Variants in CACNA2D3 observed in about 807,000 individuals in gnomAD.
The protein encoded by CACNA2D3 is voltage-dependent calcium channel subunit alpha-2/delta-3.
In CACNA2D3, 60 loss-of-function variants were observed where a neutral mutation model predicts 160.6. That is an observed-to-expected ratio of 0.37 (90% CI 0.30 to 0.46). The LOEUF (loss-of-function observed/expected upper bound fraction) is 0.46, where lower values mean the gene tolerates loss of function less well. Among genes scored for constraint, CACNA2D3 ranks in the 20% least tolerant of loss-of-function variants. The pLI, the probability that CACNA2D3 is intolerant of heterozygous loss-of-function variation, is 1.00. For synonymous variants in CACNA2D3, 558 were observed against 492.9 expected (o/e 1.13, Z -1.75); for missense variants, 1,205 against 1,365.0 (o/e 0.88, Z 1.85).
At chr3:54,451,122 A>G (rs1700298957) in intron 4 of CACNA2D3, among the ~76,000 whole-genome samples, 1 of 151,480 alleles carries the variant, frequency 6.6e-6, no homozygotes, top group African/African-American at 2.4e-5. Context: ...TGGCAACCTC[A>G]ACCTCTTGGC....
At chr3:55,052,678 A>G (rs1704256389) in intron 35 of CACNA2D3, among the ~76,000 whole-genome samples, 1 of 152,148 alleles carries the variant, frequency 6.6e-6, no homozygotes, top group Non-Finnish European at 1.5e-5. Flanking sequence ...CATTAGATAC[A>G]TGCATATTTA....
At chr3:54,600,675 CTA>C (rs1249536853) in intron 9 of CACNA2D3, among the ~76,000 whole-genome samples, 1 of 152,180 alleles carries the variant, frequency 6.6e-6, no homozygotes, top group Non-Finnish European at 1.5e-5. Flanking sequence ...AGGGAACTGA[CTA>C]TTTTTAAATA....
intron 27 of CACNA2D3, among the ~76,000 whole-genome samples, chr3:54,966,662 T>C (rs148375342): frequency 1.3e-5 from 2 of 151,846 alleles, no homozygotes; most frequent in East Asian, 1.9e-4. Flanking sequence ...CTACAGAAAA[T>C]ACAAAAATTA....
chr3:54,211,046 C>T lies in CACNA2D3; in HGVS notation c.204+87452C>T, dbSNP rs13095436. Among the ~76,000 whole-genome samples, 558 of 152,116 alleles carry T rather than the reference C, an allele frequency of 3.7e-3. 1 individual carries two copies. The highest frequency in any genetic ancestry group is 6.5e-3 in the Non-Finnish European group (445 of 67,992). On this transcript the variant is annotated intron_variant, in intron 2 of 37. Coordinates refer to ENST00000474759, the MANE Select transcript of CACNA2D3 (RefSeq NM_018398.3). ...GAAAAGGAACACAGAAAGCTCATCT[C>T]TCACCTCTTTTCCCTTTGTCCAATA...
intron 2 of CACNA2D3, among the ~76,000 whole-genome samples, chr3:54,129,016 C>T (rs1022205247): frequency 6.6e-6 from 1 of 152,158 alleles, no homozygotes; most frequent in Non-Finnish European, 1.5e-5. Flanking sequence ...TCCTTATCAG[C>T]CCTCTTTGGT....
chr3:54,769,583 A>G (rs1200236037), intron 13 of CACNA2D3, among the ~76,000 whole-genome samples: 1 of 152,162 alleles, frequency 6.6e-6, no homozygotes, highest in Non-Finnish European at 1.5e-5. Context: ...ACATGAGAAT[A>G]CGACCTGCCT....
At chr3:54,457,715 G>A (rs1700424581) in intron 4 of CACNA2D3, among the ~76,000 whole-genome samples, 1 of 151,854 alleles carries the variant, frequency 6.6e-6, no homozygotes, top group South Asian at 2.1e-4. Context: ...AATAATATTT[G>A]CTTTACATGT....
intron 2 of CACNA2D3, among the ~76,000 whole-genome samples, chr3:54,143,955 T>C (rs1699981088): frequency 6.6e-6 from 1 of 152,240 alleles, no homozygotes; most frequent in Admixed American, 6.5e-5. Context: ...CAGGCAGTAC[T>C]GTAGGGACCA....
At chr3:54,678,720 C>CAAAAAAAAAAA (rs71096434) in intron 11 of CACNA2D3, among the ~76,000 whole-genome samples, 512 of 45,918 alleles carry the variant, frequency 0.011, 128 homozygotes, top group Non-Finnish European at 0.015. Context: ...GACTCGGTCT[C>CAAAAAAAAAAA]AAAAAAAAAA....
chr3:54,472,232 G>T (rs1259325807), intron 4 of CACNA2D3, among the ~76,000 whole-genome samples: 3 of 152,162 alleles, frequency 2.0e-5, no homozygotes, highest in Non-Finnish European at 4.4e-5. Context: ...GGGATGCAAG[G>T]CTGGTTCAAC....
chr3:55,020,370 TTG>T (rs1399446796), intron 35 of CACNA2D3, among the ~76,000 whole-genome samples: 1 of 149,216 alleles, frequency 6.7e-6, no homozygotes, highest in Non-Finnish European at 1.5e-5. Flanking sequence ...AATGTATATT[TTG>T]TGATTCTATT....
chr3:54,733,668 A>C (rs562484694), intron 11 of CACNA2D3, among the ~76,000 whole-genome samples: 1 of 152,304 alleles, frequency 6.6e-6, no homozygotes, highest in East Asian at 1.9e-4. Context: ...GTCCATCTTG[A>C]TTTAACTTAG....
chr3:54,579,402 G>A lies in CACNA2D3; in HGVS notation c.889-2401G>A, dbSNP rs1257030111. Among the ~76,000 whole-genome samples the A allele has an allele frequency of 5.9e-5, 9 of 152,104 alleles. No individual in the cohort carries two copies. In the East Asian group the frequency reaches 1.7e-3, roughly 29 times the overall value. ...CTTGTAACCTCATAGTTGCAAAATG[G>A]CTGCAGCAACTCCACAATAGCATCC... On this transcript the variant is annotated intron_variant, in intron 8 of 37. Coordinates refer to ENST00000474759, the MANE Select transcript of CACNA2D3 (RefSeq NM_018398.3).
At position 54,386,624 on chromosome 3, in the gene CACNA2D3, T is replaced by A; in HGVS notation, c.322-91T>A. On this transcript the variant is annotated intron_variant, in intron 3 of 37. Transcript: ENST00000474759. ...AGATCACAATGTATGAACCACGATA[T>A]AATATGTCACTTTTGGTCAATGGAG... 3 of 1,186,782 alleles carry A rather than the reference T, an allele frequency of 2.5e-6. No homozygotes were observed. The South Asian group carries it at 4.3e-5, about 17-fold the overall frequency. The allele number at this position is 1,186,782 out of a possible 1,614,324, so 73.5% of individuals were successfully genotyped here.
At chr3:54,594,440 C>T (rs1702915973) in intron 9 of CACNA2D3, among the ~76,000 whole-genome samples, 2 of 152,134 alleles carry the variant, frequency 1.3e-5, no homozygotes, top group South Asian at 4.1e-4. Flanking sequence ...AAATAAATAA[C>T]ATAACATTAG....
At chr3:54,125,441 A>C (rs1170859468) in intron 2 of CACNA2D3, among the ~76,000 whole-genome samples, 10 of 152,100 alleles carry the variant, frequency 6.6e-5, no homozygotes, top group African/African-American at 2.4e-4. Flanking sequence ...AATTATTTCC[A>C]GCTGTTTATG....
At chr3:54,881,954 G>C (rs1699807864) in intron 21 of CACNA2D3, among the ~76,000 whole-genome samples, 1 of 152,186 alleles carries the variant, frequency 6.6e-6, no homozygotes, top group South Asian at 2.1e-4. Context: ...CAGGGATGTT[G>C]GTTTGTGCTT....
In CACNA2D3 at chr3:54,816,847, C is replaced by T; in HGVS notation, c.1381-6C>T. On this transcript the variant is annotated splice_polypyrimidine_tract_variant and splice_region_variant and intron_variant, in intron 13 of 37. Coordinates refer to ENST00000474759, the MANE Select transcript of CACNA2D3 (RefSeq NM_018398.3). ...TTTTTTGTTTTGTTTTGTTTTCCCC[C>T]TTCAGCTCCCTCAGGCACAAAAGGT... 1.2e-6 allele frequency: 2 copies of T among 1,613,562 alleles called. No homozygotes were observed. Among genetic ancestry groups the T allele is most frequent in the South Asian group, 1.1e-5 (1 of 90,992 alleles).
chr3:54,964,133 G>T lies in CACNA2D3; in HGVS notation c.2450-4317G>T, dbSNP rs188438829. 2.6e-5 allele frequency among the ~76,000 whole-genome samples: 4 copies of T among 151,980 alleles called. No individual in the cohort carries two copies. The East Asian group carries it at 7.7e-4, about 29-fold the overall frequency. ...AAGACCATCCCAGTATCTTGGGGTC[G>T]CTGTCCTAGGAGGCTCACCCCATAT... On this transcript the variant is annotated intron_variant, in intron 27 of 37. Coordinates refer to ENST00000474759, the MANE Select transcript of CACNA2D3 (RefSeq NM_018398.3).
Sources: allele counts gnomAD v4.1 joint callset (sites outside exome capture counted in the v4.1 genomes callset), GRCh38; gene constraint gnomAD v4.1.1; transcripts MANE v1.5; gene names NCBI Gene and HGNC (gene_info 2026-07-23, HGNC 2026-07-21).